Variants in DCUN1D5 observed in about 807,000 individuals in gnomAD.
DCUN1D5 encodes the protein defective in cullin neddylation 1 domain containing 5.
A neutral mutation model predicts 38.3 loss-of-function variants in DCUN1D5; 10 were observed. The ratio of observed to expected loss-of-function variants is 0.26; its 90% CI spans 0.16 to 0.44. The LOEUF (loss-of-function observed/expected upper bound fraction) is 0.44. DCUN1D5 is among the 20% of genes least tolerant of loss of function. The pLI is 1.00. For synonymous variants in DCUN1D5, 93 were observed against 90.9 expected (o/e 1.02, Z -0.13); for missense variants, 148 against 275.3 (o/e 0.54, Z 3.27).
chr11:103,069,088 T>C (rs1862207191), intron 4 of DCUN1D5, among the ~76,000 whole-genome samples: 1 of 152,148 alleles, frequency 6.6e-6, no homozygotes, highest in Admixed American at 6.6e-5. Context: ...ATGCAGCCAA[T>C]GAACTTTTCA....
chr11:103,060,341 A>AAAG lies in DCUN1D5; in HGVS notation c.*2015_*2017dup, dbSNP rs971874317. Among the ~76,000 whole-genome samples the AAAG allele has an allele frequency of 6.6e-6, 1 of 152,222 alleles. No homozygotes were observed. Among genetic ancestry groups the AAAG allele is most frequent in the Admixed American group, 6.5e-5 (1 of 15,272 alleles). On this transcript the variant is annotated 3_prime_UTR_variant, in exon 8 of 8. Transcript: ENST00000260247. ...TAAAGGTATCTTTGGATAAGTATGCAAAGTAAATACTGTTGACCCTTGAAC... is the reference window on the plus strand; with the variant it reads ...TAAAGGTATCTTTGGATAAGTATGCAAAGAAGTAAATACTGTTGACCCTTGAAC...
At position 103,078,224 on chromosome 11, in the gene DCUN1D5, C is replaced by A. The variant is rs1340309397; in HGVS notation, c.341+4524G>T. Reference sequence around the variant, plus strand: ...ATCAAGTACGGTCCTCTTCAAAGGTCTATATTCAGTTTTCTCCACTGGTAT... The same window carrying A: ...ATCAAGTACGGTCCTCTTCAAAGGTATATATTCAGTTTTCTCCACTGGTAT... On this transcript the variant is annotated intron_variant, in intron 4 of 7. Transcript: ENST00000260247. The surrounding 1 kb of genome is among the most constrained non-coding windows in gnomAD (Gnocchi z 4.6). Among the ~76,000 whole-genome samples, 1 of 152,148 alleles carries A rather than the reference C, an allele frequency of 6.6e-6. No homozygotes were observed. The highest frequency in any genetic ancestry group is 1.5e-5 in the Non-Finnish European group (1 of 68,030).
intron 4 of DCUN1D5, among the ~76,000 whole-genome samples, chr11:103,076,844 C>T (rs1862419199): frequency 6.6e-6 from 1 of 152,082 alleles, no homozygotes; most frequent in African/African-American, 2.4e-5. Context: ...TACGTCATAC[C>T]ATTCCTAATG....
chr11:103,082,487 G>T (rs886685899), intron 4 of DCUN1D5, among the ~76,000 whole-genome samples: 8 of 151,918 alleles, frequency 5.3e-5, no homozygotes, highest in Admixed American at 1.3e-4. Flanking sequence ...TTTGATCATA[G>T]ACTTTTAAGT....
chr11:103,052,069 T>C lies in DCUN1D5; in HGVS notation c.*10290A>G, dbSNP rs1861753785. On this transcript the variant is annotated 3_prime_UTR_variant, in exon 8 of 8. Coordinates refer to ENST00000260247, the MANE Select transcript of DCUN1D5 (RefSeq NM_032299.4). ...AGATCTGTCTTTAATTATGAAATAATTTTAGTGTCTATTTAGAAGACACTG... is the reference window on the plus strand; with the variant it reads ...AGATCTGTCTTTAATTATGAAATAACTTTAGTGTCTATTTAGAAGACACTG... 6.6e-6 allele frequency: 1 copy of C among 152,204 alleles called. No homozygotes were observed. The highest frequency in any genetic ancestry group is 2.4e-5 in the African/African-American group (1 of 41,462). 9.4% of individuals were successfully genotyped at this position (152,204 alleles called of 1,614,324 possible). A position where few individuals can be genotyped will look rare whatever the true frequency, so the allele number is the denominator to read the frequency against.
chr11:103,062,240 A>T lies in DCUN1D5; in HGVS notation c.*119T>A, dbSNP rs1051340536. 6 of 960,904 alleles carry T rather than the reference A, an allele frequency of 6.2e-6. No individual in the cohort carries two copies. In the East Asian group the frequency reaches 1.2e-4, roughly 19 times the overall value. 59.5% of individuals were successfully genotyped at this position (960,904 alleles called of 1,614,324 possible). A position where few individuals can be genotyped will look rare whatever the true frequency, so the allele number is the denominator to read the frequency against. ...TCCTTTAAAAAAAGGAAAAAAAAGT[A>T]CTATGAGAAGTCTTTCATATGAATG... On this transcript the variant is annotated 3_prime_UTR_variant, in exon 8 of 8. Coordinates refer to ENST00000260247, the MANE Select transcript of DCUN1D5 (RefSeq NM_032299.4). The surrounding 1 kb of genome is among the most constrained non-coding windows in gnomAD (Gnocchi z 4.6).
chr11:103,089,881 A>G lies in DCUN1D5; in HGVS notation c.87-563T>C, dbSNP rs148971036. ...CAACAAAAAAACACTAAAAGTTAATAATAGTCCAAATAATTGGGACAAGGC... is the reference window on the plus strand; with the variant it reads ...CAACAAAAAAACACTAAAAGTTAATGATAGTCCAAATAATTGGGACAAGGC... On this transcript the variant is annotated intron_variant, in intron 1 of 7. Transcript: ENST00000260247. Among the ~76,000 whole-genome samples the G allele has an allele frequency of 1.5e-3, 233 of 152,284 alleles. 2 individuals carry two copies. Among genetic ancestry groups the G allele is most frequent in the African/African-American group, 5.5e-3 (227 of 41,578 alleles).
intron 4 of DCUN1D5, among the ~76,000 whole-genome samples, chr11:103,069,465 T>C (rs932510788): frequency 6.6e-6 from 1 of 152,178 alleles, no homozygotes; most frequent in African/African-American, 2.4e-5. Flanking sequence ...TGTCCACCCT[T>C]ACCAGGATAT....
chr11:103,063,248 C>T lies in DCUN1D5; in HGVS notation c.659-834G>A, dbSNP rs1862055904. On this transcript the variant is annotated intron_variant, in intron 7 of 7. Transcript: ENST00000260247. The surrounding 1 kb of genome is among the most constrained non-coding windows in gnomAD (Gnocchi z 4.6). Reference sequence around the variant, plus strand: ...AACACTTGACTCCAGCCTCTGACTCCTATAAAGGAGTACTATAAAGGTACA... The same window carrying T: ...AACACTTGACTCCAGCCTCTGACTCTTATAAAGGAGTACTATAAAGGTACA... Among the ~76,000 whole-genome samples, 1 of 152,100 alleles carries T rather than the reference C, an allele frequency of 6.6e-6. No individual in the cohort carries two copies. Among genetic ancestry groups the T allele is most frequent in the Admixed American group, 6.5e-5 (1 of 15,270 alleles).
chr11:103,070,632 G>A (rs1204509637), intron 4 of DCUN1D5, among the ~76,000 whole-genome samples: 2 of 152,052 alleles, frequency 1.3e-5, no homozygotes, highest in African/African-American at 4.8e-5. Flanking sequence ...AATTATAGTT[G>A]GATATTTCAC....
At position 103,089,303 on chromosome 11, in the gene DCUN1D5, T is replaced by C. The variant is rs1166807050; in HGVS notation, c.102A>G (p.Gln34=). 7 of 1,607,762 alleles carry C rather than the reference T, an allele frequency of 4.4e-6. No individual in the cohort carries two copies. Among genetic ancestry groups the C allele is most frequent in the Middle Eastern group, 1.7e-4 (1 of 6,030 alleles). ...CTCCACTTATTAGTCTAGCAGGGGG[T>C]TGGGATCTGCAATAGCTTAGAAAAC... is the stretch of plus-strand genomic sequence containing the variant. ...KCKISSYCRS[Q]PPARLISGEE... Residue 34 remains glutamine, a synonymous_variant, in exon 2 of 8, where the codon CAA becomes CAG. Coordinates refer to ENST00000260247, the MANE Select transcript of DCUN1D5 (RefSeq NM_032299.4).
At chr11:103,080,936 G>C (rs1292929979) in intron 4 of DCUN1D5, among the ~76,000 whole-genome samples, 1 of 152,038 alleles carries the variant, frequency 6.6e-6, no homozygotes, top group East Asian at 1.9e-4. Context: ...TTGAACCCAG[G>C]AGGCGGAGGT....
In DCUN1D5 at chr11:103,062,350, T is replaced by C. The variant is rs761545567; in HGVS notation, c.*9A>G. The C allele has an allele frequency of 1.2e-6, 2 of 1,613,442 alleles. No homozygotes were observed. The highest frequency in any genetic ancestry group is 8.5e-7 in the Non-Finnish European group (1 of 1,179,454). On this transcript the variant is annotated 3_prime_UTR_variant, in exon 8 of 8. Transcript: ENST00000260247. The surrounding 1 kb of genome is among the most constrained non-coding windows in gnomAD (Gnocchi z 4.6). ...TTGAAAGGTTTGCATTTTCTTCACA[T>C]AGTTCTTGCTATGATGTCTGACGGA...
rs1294279240 is a variant in DCUN1D5, at chr11:103,062,457, A to G, written c.659-43T>C. On this transcript the variant is annotated intron_variant, in intron 7 of 7. Coordinates refer to ENST00000260247, the MANE Select transcript of DCUN1D5 (RefSeq NM_032299.4). This position sits in a 1 kb window ranked among gnomAD's most constrained non-coding sequence, Gnocchi z 4.6. ...ATTTTTGTCAGAATTCAGTGAACTC[A>G]TCTCTCCAATTATAAAACAAACTCC... 4 of 1,556,826 alleles carry G rather than the reference A, an allele frequency of 2.6e-6. No homozygotes were observed. Among genetic ancestry groups the G allele is most frequent in the Non-Finnish European group, 3.5e-6 (4 of 1,132,426 alleles).
At position 103,053,228 on chromosome 11, in the gene DCUN1D5, T is replaced by C. The variant is rs940354696; in HGVS notation, c.*9131A>G. On this transcript the variant is annotated 3_prime_UTR_variant, in exon 8 of 8. Transcript: ENST00000260247. The surrounding 1 kb of genome is among the most constrained non-coding windows in gnomAD (Gnocchi z 4.8). ...CATAGTAGCTATGTTACTGAGCATT[T>C]ATTACTTGGTGCCAACTACACTGTA... 7 of 152,156 alleles carry C rather than the reference T, an allele frequency of 4.6e-5. No individual in the cohort carries two copies. Among genetic ancestry groups the C allele is most frequent in the Admixed American group, 1.3e-4 (2 of 15,260 alleles). The allele number at this position is 152,156 out of a possible 1,614,324, so 9.4% of individuals were successfully genotyped here. A position where few individuals can be genotyped will look rare whatever the true frequency, so the allele number is the denominator to read the frequency against.
In DCUN1D5 at chr11:103,086,040, C is replaced by A. The variant is rs1289854224; in HGVS notation, c.179-2714G>T. Among the ~76,000 whole-genome samples, 1 of 152,054 alleles carries A rather than the reference C, an allele frequency of 6.6e-6. No individual in the cohort carries two copies. The highest frequency in any genetic ancestry group is 1.9e-4 in the East Asian group (1 of 5,196). ...ACCAACAGCCTTATCACACATAATA[C>A]CATAGTAACAAGTTTAGTGATATTT... is the stretch of plus-strand genomic sequence containing the variant. On this transcript the variant is annotated intron_variant, in intron 2 of 7. Coordinates refer to ENST00000260247, the MANE Select transcript of DCUN1D5 (RefSeq NM_032299.4). This position sits in a 1 kb window ranked among gnomAD's most constrained non-coding sequence, Gnocchi z 4.1.
Position 103,064,370 on chromosome 11 carries a change from TTTGA to T in DCUN1D5, c.559_562del (p.Lys188IlefsTer4). On this transcript the variant is annotated frameshift_variant, in exon 7 of 8. Transcript: ENST00000260247. LOFTEE classifies it high-confidence loss of function. This position sits in a 1 kb window ranked among gnomAD's most constrained non-coding sequence, Gnocchi z 4.5. ...TTGATCTTTGTTCATAACACGATAC[TTTGA>T]TTGCTGCAAAAATGATTTAAATATT... The T allele has an allele frequency of 2.5e-6, 4 of 1,590,408 alleles. No individual in the cohort carries two copies. The highest frequency in any genetic ancestry group is 3.4e-6 in the Non-Finnish European group (4 of 1,168,880).
rs765646153 is a variant in DCUN1D5, at chr11:103,062,270, T to C, written c.*89A>G. ...GAGAAGTCTTTCATATGAATGAAAA[T>C]GCACCCGTTGGATTTTTTTCCCCCT... On this transcript the variant is annotated 3_prime_UTR_variant, in exon 8 of 8. Transcript: ENST00000260247. The surrounding 1 kb of genome is among the most constrained non-coding windows in gnomAD (Gnocchi z 4.6). The C allele has an allele frequency of 7.9e-7, 1 of 1,265,678 alleles. No individual in the cohort carries two copies. Among genetic ancestry groups the C allele is most frequent in the African/African-American group, 1.5e-5 (1 of 66,736 alleles). The allele number at this position is 1,265,678 out of a possible 1,614,324, so 78.4% of individuals were successfully genotyped here. A position where few individuals can be genotyped will look rare whatever the true frequency, so the allele number is the denominator to read the frequency against.
intron 4 of DCUN1D5, among the ~76,000 whole-genome samples, chr11:103,079,202 A>G (rs879852475): frequency 6.6e-6 from 1 of 152,158 alleles, no homozygotes; most frequent in Non-Finnish European, 1.5e-5. Flanking sequence ...GAACAGTTTC[A>G]TCCCAAAGCC....
Sources: allele counts gnomAD v4.1 joint callset (sites outside exome capture counted in the v4.1 genomes callset), GRCh38; gene constraint gnomAD v4.1.1; non-coding constraint Gnocchi (gnomAD v3.1); transcripts MANE v1.5; gene names NCBI Gene and HGNC (gene_info 2026-07-23, HGNC 2026-07-21).